DSG4: variants seen among roughly 807,000 people sequenced by gnomAD.
DSG4 encodes the protein desmoglein 4, also known as desmoglein-4.
A neutral mutation model predicts 93.1 loss-of-function variants in DSG4; 87 were observed. The ratio of observed to expected loss-of-function variants is 0.93; its 90% confidence interval spans 0.79 to 1.12. The LOEUF (loss-of-function observed/expected upper bound fraction) is 1.12. Ranked by LOEUF, DSG4 falls within the 50% of genes most tolerant of loss-of-function variation. The pLI is 0.00. For synonymous variants in DSG4, 432 were observed against 452.9 expected (o/e 0.95, Z 0.59); for missense variants, 1,373 against 1,285.7 (o/e 1.07, Z -1.04).
rs1389374117 is a variant in DSG4, at chr18:31,388,511, CCA to C, written c.363_364del (p.Leu122PhefsTer13). The C allele has an allele frequency of 1.2e-6, 2 of 1,613,348 alleles. No homozygotes were observed. Among genetic ancestry groups the C allele is most frequent in the Non-Finnish European group, 1.7e-6 (2 of 1,179,516 alleles). ...ITSVVDREIT[P>X]LFLIYCRALN... ...TTCAGTGGTAGACAGAGAAATAACT[CCA>C]CTTTTCTTGGTAAGTCATAGCCATA... On this transcript the variant is annotated frameshift_variant, in exon 4 of 16. Coordinates refer to ENST00000308128, the MANE Select transcript of DSG4 (RefSeq NM_177986.5). LOFTEE classifies it high-confidence loss of function.
intron 14 of DSG4, chr18:31,410,993 T>C: frequency 8.4e-7 from 1 of 1,190,500 alleles, no homozygotes; most frequent in Non-Finnish European, 1.2e-6. Context: ...GGGCGAAGTC[T>C]GTGCAAATGT....
rs145472808 is a variant in DSG4, at chr18:31,395,202, C to A, written c.1005+2862C>A. Among the ~76,000 whole-genome samples, 295 of 150,628 alleles carry A rather than the reference C, an allele frequency of 2.0e-3. 2 individuals are homozygous for A. The highest frequency in any genetic ancestry group is 0.014 in the Middle Eastern group (4 of 294). On this transcript the variant is annotated intron_variant, in intron 8 of 15. Coordinates refer to ENST00000308128, the MANE Select transcript of DSG4 (RefSeq NM_177986.5). ...ATATGAAAAAAATTAACAATGCAGG[C>A]AATGTACTATCTGACTTATGTAATG...
intron 1 of DSG4, among the ~76,000 whole-genome samples, chr18:31,379,973 A>T (rs145181672): frequency 6.6e-6 from 1 of 152,238 alleles, no homozygotes; most frequent in South Asian, 2.1e-4. Flanking sequence ...CAAAGGTTAC[A>T]TCGAAGCAAA....
chr18:31,410,215 T>C (rs1373094077), intron 14 of DSG4, among the ~76,000 whole-genome samples: 1 of 152,152 alleles, frequency 6.6e-6, no homozygotes, highest in Non-Finnish European at 1.5e-5. Context: ...CAACCTGTAG[T>C]AATAAGTCCT....
chr18:31,413,009 T>C lies in DSG4; in HGVS notation c.2537T>C (p.Ile846Thr). The C allele has an allele frequency of 6.2e-7, 1 of 1,614,162 alleles. No homozygotes were observed. The highest frequency in any genetic ancestry group is 2.2e-5 in the East Asian group (1 of 44,868). Reference protein sequence around the residue: ...LDPKFRTLAEICLNTEIEPFP... With the variant: ...LDPKFRTLAETCLNTEIEPFP... ...CCAAAATTTAGGACTCTTGCTGAGA[T>C]CTGCTTAAACACAGAAATTGAACCA... The change falls in exon 16 of 16, where the codon ATC becomes ACC. Residue 846 changes from isoleucine to threonine, a missense_variant. Coordinates refer to ENST00000308128, the MANE Select transcript of DSG4 (RefSeq NM_177986.5).
At position 31,393,465 on chromosome 18, in the gene DSG4, G is replaced by A. The variant is rs372774216; in HGVS notation, c.1005+1125G>A. Among the ~76,000 whole-genome samples, 50 of 152,268 alleles carry A rather than the reference G, an allele frequency of 3.3e-4. No homozygotes were observed. The South Asian group carries it at 9.7e-3, about 30-fold the overall frequency. On this transcript the variant is annotated intron_variant, in intron 8 of 15. Transcript: ENST00000308128. ...CTTACAATCATTGTGGAAGGCAAAG[G>A]GGGAGCCAGTGCATCACATGACAAG...
chr18:31,386,631 C>G, intron 2 of DSG4, 57 bp from the exon 3 acceptor site: 1 of 1,606,068 alleles, frequency 6.2e-7, no homozygotes, highest in Non-Finnish European at 8.5e-7. Flanking sequence ...AAATAAATGT[C>G]CTTTCTAAGT....
rs568109924 is a variant in DSG4, at chr18:31,393,316, T to C, written c.1005+976T>C. On this transcript the variant is annotated intron_variant, in intron 8 of 15. Transcript: ENST00000308128. ...CAAGCACATAAGGCTCTTTTTGTGT[T>C]ACCATAAAGTAATAGCTGAGACTGG... 1.8e-4 allele frequency among the ~76,000 whole-genome samples: 28 copies of C among 152,312 alleles called. 1 individual carries two copies. In the South Asian group the frequency reaches 5.6e-3, roughly 30 times the overall value.
intron 14 of DSG4, chr18:31,411,027 A>C: frequency 6.9e-7 from 1 of 1,440,720 alleles, no homozygotes; most frequent in Non-Finnish European, 9.3e-7. Context: ...CCCACCACTG[A>C]CTCCCTCTGT....
At position 31,388,508 on chromosome 18, in the gene DSG4, A is replaced by G. The variant is rs1369093430; in HGVS notation, c.358A>G (p.Thr120Ala). 6.2e-7 allele frequency: 1 copy of G among 1,612,938 alleles called. No homozygotes were observed. Among genetic ancestry groups the G allele is most frequent in the Non-Finnish European group, 8.5e-7 (1 of 1,179,336 alleles). ...CACTTCAGTGGTAGACAGAGAAATA[A>G]CTCCACTTTTCTTGGTAAGTCATAG... ...NITSVVDREI[T>A]PLFLIYCRAL... The change falls in exon 4 of 16, where the codon ACT (threonine) becomes GCT (alanine). Residue 120 changes from threonine to alanine, a missense_variant. By Grantham distance (58) the Thr-to-Ala change is moderately conservative. Transcript: ENST00000308128.
At chr18:31,384,965 T>C (rs2072172145) in intron 1 of DSG4, among the ~76,000 whole-genome samples, 171 bp from the exon 2 acceptor site, 1 of 152,148 alleles carries the variant, frequency 6.6e-6, no homozygotes, top group African/African-American at 2.4e-5. Flanking sequence ...GTAAATACTT[T>C]GGAGGGCAAA....
intron 11 of DSG4, 52 bp from the exon 12 acceptor site, chr18:31,406,024 CT>C (rs1454724913): frequency 6.2e-6 from 10 of 1,608,992 alleles, no homozygotes; most frequent in East Asian, 2.2e-5. Context: ...AACCACCCCC[CT>C]AGCCCACCAA....
chr18:31,377,050 T>C (rs562185430), intron 1 of DSG4, 91 bp downstream of exon 1: 1 of 1,344,540 alleles, frequency 7.4e-7, no homozygotes, highest in Non-Finnish European at 1.1e-6. Flanking sequence ...ATTTATTCCA[T>C]TTTTAATCTC....
chr18:31,402,779 A>C (rs2072382555), intron 10 of DSG4, among the ~76,000 whole-genome samples: 1 of 152,318 alleles, frequency 6.6e-6, no homozygotes, highest in South Asian at 2.1e-4. Context: ...TGGACTCCTA[A>C]TCTTTAGTCT....
chr18:31,403,492 T>G lies in DSG4; in HGVS notation c.1494T>G (p.Phe498Leu). The G allele has an allele frequency of 6.2e-7, 1 of 1,614,092 alleles. No individual in the cohort carries two copies. ...PDINDYCPNI[F>L]PERRTICIDS... ...TCAATGATTATTGTCCAAACATTTT[T>G]CCTGAAAGAAGAACCATCTGCATTG... is the stretch of plus-strand genomic sequence containing the variant. The change falls in exon 11 of 16, where the codon TTT (phenylalanine) becomes TTG (leucine). Residue 498 changes from phenylalanine (F) to leucine (L), a missense_variant. Phe to Leu is a conservative substitution (Grantham distance 22). Coordinates refer to ENST00000308128, the MANE Select transcript of DSG4 (RefSeq NM_177986.5).
chr18:31,382,638 T>C (rs778210233), intron 1 of DSG4, among the ~76,000 whole-genome samples: 5 of 152,134 alleles, frequency 3.3e-5, no homozygotes, highest in African/African-American at 4.8e-5. Context: ...TATGATTTCA[T>C]AGGGCCTGGG....
At chr18:31,403,725 T>G in intron 11 of DSG4, 91 bp downstream of exon 11, 2 of 1,143,672 alleles carry the variant, frequency 1.7e-6, no homozygotes, top group South Asian at 2.6e-5. Context: ...TAAAACATTC[T>G]ACTTCTGTTT....
At chr18:31,409,376 C>T in intron 12 of DSG4, 76 bp from the exon 13 acceptor site, 2 of 1,606,654 alleles carry the variant, frequency 1.2e-6, no homozygotes, top group Non-Finnish European at 1.7e-6. Context: ...ACCAAATGCT[C>T]CCCAGAATGA....
chr18:31,399,605 G>T (rs1268894728), intron 9 of DSG4, 62 bp downstream of exon 9: 33 of 1,602,678 alleles, frequency 2.1e-5, no homozygotes, highest in Non-Finnish European at 4.3e-6. Flanking sequence ...TGTAGCATGC[G>T]CTAATATATG....
Sources: gnomAD v4.1 joint callset for allele counts (sites outside exome capture counted in the v4.1 genomes callset) on GRCh38, gnomAD v4.1.1 for gene constraint, MANE v1.5 for transcripts, NCBI Gene and HGNC (gene_info 2026-07-23, HGNC 2026-07-21) for gene names.